The following EXOC4 variants were observed in gnomAD, a reference collection of about 807,000 sequenced individuals.
The protein encoded by EXOC4 is SEC8-like 1.
In EXOC4, 71 loss-of-function variants were observed where a neutral mutation model predicts 107.2. The ratio of observed to expected loss-of-function variants is 0.66; its 90% CI spans 0.55 to 0.81. The LOEUF (loss-of-function observed/expected upper bound fraction) is 0.81, where lower values mean the gene tolerates loss of function less well. Ranked by LOEUF, EXOC4 falls within the 30% of genes least tolerant of loss-of-function variation. EXOC4 has a pLI of 0.00. For synonymous variants in EXOC4, 456 were observed against 441.2 expected (o/e 1.03, Z -0.42); for missense variants, 1,108 against 1,189.6 (o/e 0.93, Z 1.01).
At chr7:133,957,895 C>G (rs1029138738) in intron 14 of EXOC4, among the ~76,000 whole-genome samples, 9 of 152,142 alleles carry the variant, frequency 5.9e-5, no homozygotes, top group African/African-American at 2.2e-4. Flanking sequence ...ATTACTTAAC[C>G]CAGCCACTAT....
rs796391855 is a variant in EXOC4, at chr7:133,986,775, C to T, written c.2207-10717C>T. ...CAAGGCAATAAATAAAATGTAGGGACAGTAGTACAGAGAAATTATGAAGAC... is the reference window on the plus strand; with the variant it reads ...CAAGGCAATAAATAAAATGTAGGGATAGTAGTACAGAGAAATTATGAAGAC... On this transcript the variant is annotated intron_variant, in intron 14 of 17. Transcript: ENST00000253861. 5.9e-5 allele frequency among the ~76,000 whole-genome samples: 9 copies of T among 152,280 alleles called. 1 individual carries two copies. The highest frequency in any genetic ancestry group is 2.2e-4 in the African/African-American group (9 of 41,560).
chr7:133,504,409 G>A (rs1396493447), intron 9 of EXOC4, among the ~76,000 whole-genome samples: 1 of 152,062 alleles, frequency 6.6e-6, no homozygotes, highest in Non-Finnish European at 1.5e-5. Context: ...TAAAAGTACA[G>A]TTTGATATAG....
At chr7:133,546,272 T>TTTTC (rs1554470304) in intron 9 of EXOC4, among the ~76,000 whole-genome samples, 4 of 148,894 alleles carry the variant, frequency 2.7e-5, no homozygotes, top group South Asian at 2.1e-4. Context: ...TTTTTTTTTT[T>TTTTC]CCGAGATGGA....
In EXOC4 at chr7:133,971,353, TATATATATAGAGAG is replaced by T. The variant is rs1169975010; in HGVS notation, c.2207-26137_2207-26124del. Reference sequence around the variant, plus strand: ...AAATGTGTATATATATATATATATATATATATATAGAGAGAGAGAGAGAGAGAGAGAGAGAGAGA... The same window carrying T: ...AAATGTGTATATATATATATATATATAGAGAGAGAGAGAGAGAGAGAGAGA... On this transcript the variant is annotated intron_variant, in intron 14 of 17. Coordinates refer to ENST00000253861, the MANE Select transcript of EXOC4 (RefSeq NM_021807.4). Among the ~76,000 whole-genome samples the T allele has an allele frequency of 1.9e-3, 191 of 102,278 alleles. 1 individual carries two copies. Among genetic ancestry groups the T allele is most frequent in the African/African-American group, 7.3e-3 (175 of 23,812 alleles). 67.1% of individuals were successfully genotyped at this position (102,278 alleles called of 152,430 possible).
chr7:133,583,246 C>T (rs1209381799), intron 9 of EXOC4, among the ~76,000 whole-genome samples: 2 of 152,146 alleles, frequency 1.3e-5, no homozygotes, highest in Non-Finnish European at 2.9e-5. Flanking sequence ...ATTTTAAACA[C>T]TAGTCCTACA....
chr7:133,502,019 A>G (rs1448672104), intron 9 of EXOC4, among the ~76,000 whole-genome samples: 1 of 152,130 alleles, frequency 6.6e-6, no homozygotes, highest in African/African-American at 2.4e-5. Flanking sequence ...CACAACATCC[A>G]ATTTTTTGAT....
chr7:133,857,134 A>T (rs1257699673), intron 11 of EXOC4, among the ~76,000 whole-genome samples: 1 of 80,854 alleles, frequency 1.2e-5, no homozygotes, highest in Admixed American at 1.6e-4. Flanking sequence ...ATGTATATAT[A>T]TATACACATA....
chr7:133,672,025 A>G (rs1793957834), intron 10 of EXOC4, among the ~76,000 whole-genome samples: 1 of 152,186 alleles, frequency 6.6e-6, no homozygotes, highest in Non-Finnish European at 1.5e-5. Context: ...TTCTACCATG[A>G]TGGAAATGTT....
At chr7:133,397,838 C>T (rs144654070) in intron 7 of EXOC4, among the ~76,000 whole-genome samples, 180 of 152,202 alleles carry the variant, frequency 1.2e-3, no homozygotes, top group African/African-American at 4.1e-3. Context: ...GTGCTTAGTA[C>T]TTTATATGTA....
intron 14 of EXOC4, among the ~76,000 whole-genome samples, chr7:133,979,551 G>T (rs1306285770): frequency 1.3e-5 from 2 of 152,126 alleles, no homozygotes; most frequent in Admixed American, 6.5e-5. Context: ...ACTTTGGGAG[G>T]CCCAGGCAGG....
At chr7:133,683,557 A>C (rs1259103440) in intron 10 of EXOC4, among the ~76,000 whole-genome samples, 2 of 152,102 alleles carry the variant, frequency 1.3e-5, no homozygotes, top group Admixed American at 6.6e-5. Context: ...TTATTCTTTC[A>C]CTGAATGTTA....
chr7:133,496,295 A>C (rs965503364), intron 9 of EXOC4, among the ~76,000 whole-genome samples: 10 of 151,954 alleles, frequency 6.6e-5, no homozygotes, highest in African/African-American at 2.4e-4. Flanking sequence ...AGCTAGGAAC[A>C]CAGGTGTGCA....
chr7:133,284,015 A>T (rs959247903), intron 2 of EXOC4, among the ~76,000 whole-genome samples: 41 of 152,178 alleles, frequency 2.7e-4, no homozygotes, highest in African/African-American at 9.7e-4. Flanking sequence ...TTTAGTATTA[A>T]AAGTTCCTGT....
intron 10 of EXOC4, among the ~76,000 whole-genome samples, chr7:133,761,220 G>A (rs1345533535): frequency 6.6e-6 from 1 of 152,126 alleles, no homozygotes; most frequent in African/African-American, 2.4e-5. Flanking sequence ...GCCCTAAGGA[G>A]CATTTTTGGA....
At chr7:133,710,883 T>C (rs1234572486) in intron 10 of EXOC4, among the ~76,000 whole-genome samples, 4 of 149,872 alleles carry the variant, frequency 2.7e-5, no homozygotes, top group Non-Finnish European at 5.9e-5. Flanking sequence ...GAAAACCATG[T>C]CATGATATCA....
chr7:133,735,046 T>TAAAAAAAAAAAAAAAA (rs3076789), intron 10 of EXOC4, among the ~76,000 whole-genome samples: 1 of 94,740 alleles, frequency 1.1e-5, no homozygotes, highest in African/African-American at 4.4e-5. Flanking sequence ...CCGTCTCTGC[T>TAAAAAAAAAAAAAAAA]AAAAAAAAAA....
At position 133,909,405 on chromosome 7, in the gene EXOC4, G is replaced by A. The variant is rs570975740; in HGVS notation, c.1872-8178G>A. Among the ~76,000 whole-genome samples the A allele has an allele frequency of 2.6e-5, 4 of 152,304 alleles. No individual in the cohort carries two copies. The South Asian group carries it at 8.3e-4, about 32-fold the overall frequency. On this transcript the variant is annotated intron_variant, in intron 12 of 17. Coordinates refer to ENST00000253861, the MANE Select transcript of EXOC4 (RefSeq NM_021807.4). ...TGAGGAGAGTAGGTTCAGGGAAGAC[G>A]CCGCAGAGGACGTGGCATTTGAGCT...
intron 10 of EXOC4, among the ~76,000 whole-genome samples, chr7:133,653,929 G>T (rs1803224456): frequency 6.6e-6 from 1 of 152,174 alleles, no homozygotes; most frequent in Non-Finnish European, 1.5e-5. Context: ...GTTGGCCAAG[G>T]TGAATAGGAC....
At chr7:133,863,655 C>G (rs1199918542) in intron 11 of EXOC4, among the ~76,000 whole-genome samples, 2 of 152,108 alleles carry the variant, frequency 1.3e-5, no homozygotes, top group East Asian at 3.9e-4. Context: ...GTTTATTGTG[C>G]TCTGTACTTA....
Sources: gnomAD v4.1 joint callset for allele counts (sites outside exome capture counted in the v4.1 genomes callset) on GRCh38, gnomAD v4.1.1 for gene constraint, MANE v1.5 for transcripts, NCBI Gene and HGNC (gene_info 2026-07-23, HGNC 2026-07-21) for gene names.